The following PLD5 variants were observed in gnomAD, a reference collection of about 807,000 sequenced individuals.
PLD5 encodes the protein phospholipase D family member 5.
Under a neutral mutation model 61.1 loss-of-function variants are expected in PLD5, and 36 were observed. The ratio of observed to expected loss-of-function variants is 0.59; its 90% CI spans 0.45 to 0.78. The LOEUF (loss-of-function observed/expected upper bound fraction) is 0.78. Among genes scored for constraint, PLD5 ranks in the 30% least tolerant of loss-of-function variants. The pLI is 0.00. For synonymous variants in PLD5, 243 were observed against 242.8 expected (o/e 1.00, Z -0.01); for missense variants, 515 against 644.4 (o/e 0.80, Z 2.17).
chr1:242,223,095 G>A (rs150293411), intron 4 of PLD5, among the ~76,000 whole-genome samples: 26 of 152,230 alleles, frequency 1.7e-4, no homozygotes, highest in African/African-American at 4.6e-4. Flanking sequence ...TGGCAGATTC[G>A]GTGTCTAGTG....
chr1:242,349,271 C>T (rs570766277), intron 1 of PLD5, among the ~76,000 whole-genome samples: 15 of 152,242 alleles, frequency 9.9e-5, no homozygotes, highest in Admixed American at 3.3e-4. Flanking sequence ...ACGCAGATGA[C>T]GCTTCTAGGT....
intron 1 of PLD5, among the ~76,000 whole-genome samples, chr1:242,515,038 C>CTG (rs1481150421): frequency 1.3e-5 from 2 of 152,182 alleles, no homozygotes; most frequent in African/African-American, 4.8e-5. Flanking sequence ...TGCAAATCTT[C>CTG]TGTGTATAGC....
At chr1:242,356,285 T>A (rs1238050154) in intron 1 of PLD5, among the ~76,000 whole-genome samples, 1 of 152,256 alleles carries the variant, frequency 6.6e-6, no homozygotes, top group South Asian at 2.1e-4. Flanking sequence ...TTATATCCTA[T>A]TGATAAATTG....
intron 6 of PLD5, among the ~76,000 whole-genome samples, chr1:242,124,211 T>C (rs534993780): frequency 3.3e-5 from 5 of 152,256 alleles, no homozygotes; most frequent in African/African-American, 9.6e-5. Flanking sequence ...CACAACCCCA[T>C]ACCTAGCTTA....
At position 242,348,165 on chromosome 1, in the gene PLD5, C is replaced by A. The variant is rs1201213094; in HGVS notation, c.267G>T (p.Val89=). 6 of 1,613,534 alleles carry A rather than the reference C, an allele frequency of 3.7e-6. No individual in the cohort carries two copies. The African/African-American group carries it at 6.7e-5, about 18-fold the overall frequency. The change falls in exon 2 of 10, where the codon GTG becomes GTT. Residue 89 remains valine (V), a synonymous_variant. Transcript: ENST00000536534. ...CATCCTCATCCTCTCCCATGATGTC[C>A]ACGGCTGAAAAGATCAGTGCAACCA... is the stretch of plus-strand genomic sequence containing the variant. ...AILVALIFSA[V]DIMGEDEDGL... is the part of the protein sequence containing the mutation.
chr1:242,430,709 T>G (rs1665670013), intron 1 of PLD5, among the ~76,000 whole-genome samples: 1 of 152,130 alleles, frequency 6.6e-6, no homozygotes, highest in African/African-American at 2.4e-5. Flanking sequence ...TACCTGCTGG[T>G]TCTCCTCCTC....
At chr1:242,432,585 C>T (rs556084543) in intron 1 of PLD5, among the ~76,000 whole-genome samples, 14 of 152,308 alleles carry the variant, frequency 9.2e-5, no homozygotes, top group African/African-American at 2.4e-4. Context: ...ACAAGACACA[C>T]GGGTTTAAGT....
intron 7 of PLD5, among the ~76,000 whole-genome samples, chr1:242,109,412 A>G (rs1661307724): frequency 1.3e-5 from 2 of 152,034 alleles, no homozygotes; most frequent in African/African-American, 4.8e-5. Flanking sequence ...CAGGAGGTGG[A>G]GGTTGCAGTG....
chr1:242,140,485 A>C (rs375030155), intron 5 of PLD5, among the ~76,000 whole-genome samples: 1 of 152,134 alleles, frequency 6.6e-6, no homozygotes, highest in East Asian at 1.9e-4. Context: ...AAAAATACAA[A>C]AATTAGCCAG....
chr1:242,269,637 A>G (rs1442569467), intron 3 of PLD5, among the ~76,000 whole-genome samples: 1 of 151,844 alleles, frequency 6.6e-6, no homozygotes, highest in Admixed American at 6.6e-5. Context: ...CCGGATGATT[A>G]AGGTTTATAT....
chr1:242,215,133 C>T (rs1367044591), intron 5 of PLD5, among the ~76,000 whole-genome samples: 3 of 150,816 alleles, frequency 2.0e-5, no homozygotes, highest in Admixed American at 1.4e-4. Flanking sequence ...TGTGATCTGC[C>T]CACCTCAGCC....
At chr1:242,330,451 T>C (rs1558470999) in intron 2 of PLD5, among the ~76,000 whole-genome samples, 1 of 152,204 alleles carries the variant, frequency 6.6e-6, no homozygotes, top group Non-Finnish European at 1.5e-5. Context: ...TTGCCTGCTC[T>C]GTCATCCCCT....
chr1:242,178,273 T>TCTAA (rs1056998870), intron 5 of PLD5: 1 of 152,200 alleles, frequency 6.6e-6, no homozygotes, highest in African/African-American at 2.4e-5. Context: ...TTATTGGTGC[T>TCTAA]CTAACCTATC....
intron 2 of PLD5, among the ~76,000 whole-genome samples, chr1:242,313,592 G>T (rs937005196): frequency 6.6e-6 from 1 of 152,112 alleles, no homozygotes; most frequent in Non-Finnish European, 1.5e-5. Flanking sequence ...AGGAGTAAAG[G>T]CACCTTTTTC....
At chr1:242,299,911 C>A (rs1018331642) in intron 2 of PLD5, among the ~76,000 whole-genome samples, 1 of 152,148 alleles carries the variant, frequency 6.6e-6, no homozygotes, top group Non-Finnish European at 1.5e-5. Context: ...CCAGGCAAAA[C>A]CCCTGTTTTC....
At chr1:242,526,539 G>A (rs1447715957), upstream of PLD5, among the ~76,000 whole-genome samples, 3 of 152,226 alleles carry the variant, frequency 2.0e-5, no homozygotes, top group East Asian at 5.8e-4. Context: ...GGGTTCAAGC[G>A]ATTCTCCTGC....
chr1:242,142,511 T>A (rs1431408674), intron 5 of PLD5, among the ~76,000 whole-genome samples: 2 of 152,220 alleles, frequency 1.3e-5, no homozygotes, highest in African/African-American at 4.8e-5. Context: ...AATTTTGTCC[T>A]ATATCAGCAC....
chr1:242,514,486 G>C (rs1669036443), intron 1 of PLD5, among the ~76,000 whole-genome samples: 1 of 152,086 alleles, frequency 6.6e-6, no homozygotes. Flanking sequence ...TAACTACTGG[G>C]TACTGGGCTT....
chr1:242,518,359 C>A, intron 1 of PLD5, among the ~76,000 whole-genome samples: 1 of 152,204 alleles, frequency 6.6e-6, no homozygotes, highest in Non-Finnish European at 1.5e-5. Context: ...AGCACATAGT[C>A]TGTGCAGGAA....
Sources: gnomAD v4.1 joint callset for allele counts (sites outside exome capture counted in the v4.1 genomes callset) on GRCh38, gnomAD v4.1.1 for gene constraint, MANE v1.5 for transcripts, NCBI Gene and HGNC (gene_info 2026-07-23, HGNC 2026-07-21) for gene names.